SYT1: variants seen among roughly 807,000 people sequenced by gnomAD.
The protein encoded by SYT1 is synaptotagmin 1.
A neutral mutation model predicts 44.8 loss-of-function variants in SYT1; 8 were observed. The observed-to-expected ratio is 0.18, with a 90% CI of 0.10 to 0.32. SYT1 has a LOEUF of 0.32. SYT1 is among the 10% of genes least tolerant of loss of function. The pLI is 1.00. For missense variants in SYT1, 286 were observed against 509.3 expected (o/e 0.56, Z 4.22); for synonymous variants, 154 against 188.8 (o/e 0.82, Z 1.51).
At chr12:79,140,749 T>G (rs529127875) in intron 3 of SYT1, among the ~76,000 whole-genome samples, 1 of 152,346 alleles carries the variant, frequency 6.6e-6, no homozygotes, top group East Asian at 1.9e-4. Flanking sequence ...TTTAATATTA[T>G]ACTGCATCCT....
intron 1 of SYT1, among the ~76,000 whole-genome samples, chr12:78,974,881 A>T (rs964811561): frequency 9.9e-5 from 15 of 152,152 alleles, no homozygotes; most frequent in African/African-American, 3.6e-4. Flanking sequence ...TAAAGAAATT[A>T]GATCGTCCAG....
chr12:79,234,382 A>C (rs1876051997), intron 4 of SYT1, among the ~76,000 whole-genome samples: 2 of 152,190 alleles, frequency 1.3e-5, no homozygotes, highest in Admixed American at 1.3e-4. Flanking sequence ...CACCACCCCC[A>C]AAAATTGCTT....
At chr12:79,356,529 T>C (rs963023781) in intron 9 of SYT1, among the ~76,000 whole-genome samples, 3 of 152,166 alleles carry the variant, frequency 2.0e-5, no homozygotes, top group African/African-American at 4.8e-5. Context: ...CTTTAAGCAC[T>C]TGGATGGTCT....
At position 79,389,260 on chromosome 12, in the gene SYT1, G is replaced by A. The variant is rs144228651; in HGVS notation, c.928+35641G>A. Among the ~76,000 whole-genome samples the A allele has an allele frequency of 7.4e-4, 113 of 152,220 alleles. 1 individual carries two copies. The highest frequency in any genetic ancestry group is 2.4e-3 in the African/African-American group (101 of 41,528). ...TCTTTTAACAAAACATATGTTAGCC[G>A]TAATTTCTGTACTAAGACACTGAAT... is the stretch of plus-strand genomic sequence containing the variant. On this transcript the variant is annotated intron_variant, in intron 9 of 10. Coordinates refer to ENST00000261205, the MANE Select transcript of SYT1 (RefSeq NM_005639.3).
At chr12:79,285,308 C>G (rs1394538413) in intron 4 of SYT1, among the ~76,000 whole-genome samples, 2 of 152,170 alleles carry the variant, frequency 1.3e-5, no homozygotes, top group African/African-American at 4.8e-5. Flanking sequence ...TAAGCTTTTG[C>G]CATGTGCCAG....
At chr12:79,068,349 T>G (rs1172881966) in intron 3 of SYT1, among the ~76,000 whole-genome samples, 1 of 152,176 alleles carries the variant, frequency 6.6e-6, no homozygotes, top group East Asian at 1.9e-4. Context: ...TAGTGTACTC[T>G]AATCTAGTGT....
intron 7 of SYT1, 107 bp from the exon 8 acceptor site, chr12:79,299,277 C>A: frequency 1.6e-6 from 2 of 1,248,692 alleles, no homozygotes; most frequent in Non-Finnish European, 2.2e-6. Context: ...AAATTATCTC[C>A]CTGTTCTGTT....
rs528746769 is a variant in SYT1 at position 79,254,493 on chromosome 12, A to G, written c.167-31294A>G. On this transcript the variant is annotated intron_variant, in intron 4 of 10. Transcript: ENST00000261205. ...CTGATGAAGACGCAGGAGGAGATTG[A>G]TGTTGTTTTCATGCTTGTTAACACA... Among the ~76,000 whole-genome samples the G allele has an allele frequency of 2.0e-4, 31 of 152,332 alleles. 1 individual carries two copies. The highest frequency in any genetic ancestry group is 1.7e-3 in the Admixed American group (26 of 15,294).
chr12:78,963,164 T>C (rs1204534546), intron 1 of SYT1, among the ~76,000 whole-genome samples: 1 of 152,074 alleles, frequency 6.6e-6, no homozygotes, highest in African/African-American at 2.4e-5. Context: ...CTGAATAATA[T>C]TCAATCGCAT....
intron 6 of SYT1, among the ~76,000 whole-genome samples, chr12:79,294,421 TC>T (rs1016366668): frequency 2.0e-5 from 3 of 152,108 alleles, no homozygotes; most frequent in African/African-American, 7.2e-5. Flanking sequence ...CTGAAAAACT[TC>T]ATAAAGTTTG....
chr12:79,023,460 A>G (rs1239011928), intron 2 of SYT1, among the ~76,000 whole-genome samples: 1 of 151,742 alleles, frequency 6.6e-6, no homozygotes, highest in Non-Finnish European at 1.5e-5. Flanking sequence ...AGGTGGGGAT[A>G]TTGTGACTGA....
At chr12:78,969,417 A>G (rs748231138) in intron 1 of SYT1, among the ~76,000 whole-genome samples, 7 of 152,194 alleles carry the variant, frequency 4.6e-5, no homozygotes, top group Non-Finnish European at 1.0e-4. Context: ...TAACATCCAG[A>G]GGAGGTGGAG....
At chr12:78,871,174 A>G (rs1455084135) in intron 1 of SYT1, among the ~76,000 whole-genome samples, 5 of 152,060 alleles carry the variant, frequency 3.3e-5, no homozygotes, top group Non-Finnish European at 7.4e-5. Flanking sequence ...CACATGCTTC[A>G]TGGTCATTAT....
intron 3 of SYT1, among the ~76,000 whole-genome samples, chr12:79,049,500 A>G (rs1172421031): frequency 6.6e-6 from 1 of 152,008 alleles, no homozygotes; most frequent in Non-Finnish European, 1.5e-5. Context: ...AATAAAAAGT[A>G]TAATTTATCC....
intron 3 of SYT1, among the ~76,000 whole-genome samples, chr12:79,215,771 A>G (rs1874751485): frequency 2.0e-5 from 3 of 152,100 alleles, no homozygotes; most frequent in Admixed American, 2.0e-4. Context: ...CTCAGCCATG[A>G]TCTCCTGGAA....
At chr12:79,370,300 A>G (rs901752370) in intron 9 of SYT1, among the ~76,000 whole-genome samples, 7 of 152,228 alleles carry the variant, frequency 4.6e-5, no homozygotes, top group African/African-American at 1.7e-4. Flanking sequence ...TGCAAAATAC[A>G]GAATTCAAAG....
At chr12:79,155,975 A>G (rs369417714) in intron 3 of SYT1, among the ~76,000 whole-genome samples, 1 of 152,236 alleles carries the variant, frequency 6.6e-6, no homozygotes, top group African/African-American at 2.4e-5. Flanking sequence ...TTACTAAATC[A>G]TGTACTCAGT....
At chr12:78,897,985 A>G (rs1875455472) in intron 1 of SYT1, among the ~76,000 whole-genome samples, 2 of 152,040 alleles carry the variant, frequency 1.3e-5, no homozygotes, top group African/African-American at 4.8e-5. Context: ...AGGGTGAAAC[A>G]TCTCAGATGA....
chr12:79,367,346 T>G (rs1175835498), intron 9 of SYT1, among the ~76,000 whole-genome samples: 3 of 152,180 alleles, frequency 2.0e-5, no homozygotes, highest in African/African-American at 7.2e-5. Context: ...GCAATGTTAA[T>G]TTGACTAGAA....
Sources: gnomAD v4.1 joint callset for allele counts (sites outside exome capture counted in the v4.1 genomes callset) on GRCh38, gnomAD v4.1.1 for gene constraint, MANE v1.5 for transcripts, NCBI Gene and HGNC (gene_info 2026-07-23, HGNC 2026-07-21) for gene names.